The following SMYD3 variants were observed in gnomAD, a reference collection of about 807,000 sequenced individuals.
The protein encoded by SMYD3 is histone-lysine N-methyltransferase SMYD3.
Under a neutral mutation model 57.7 loss-of-function variants are expected in SMYD3, and 36 were observed. The observed-to-expected ratio is 0.62, with a 90% CI of 0.48 to 0.82. The LOEUF is 0.82. Among genes scored for constraint, SMYD3 ranks in the 40% least tolerant of loss-of-function variants. SMYD3 has a pLI of 0.00. For synonymous variants in SMYD3, 211 were observed against 195.0 expected, an observed-to-expected ratio of 1.08 and a Z score of -0.68; for missense variants, 515 against 538.8, an observed-to-expected ratio of 0.96 and a Z score of 0.44.
rs75833888 is a variant in SMYD3, at chr1:246,142,264, T to C, written c.531+184937A>G. Among the ~76,000 whole-genome samples, 1,260 of 152,262 alleles carry C rather than the reference T, an allele frequency of 8.3e-3. 13 individuals carry two copies. The highest frequency in any genetic ancestry group is 0.028 in the African/African-American group (1,179 of 41,554). ...TAGGCACAGAGATTAACAAAAATAA[T>C]TACTAATAAAACAATTATAATAATA... On this transcript the variant is annotated intron_variant, in intron 5 of 11. Coordinates refer to ENST00000490107, the MANE Select transcript of SMYD3 (RefSeq NM_001167740.2).
intron 2 of SMYD3, among the ~76,000 whole-genome samples, chr1:246,337,434 A>G (rs2065561470): frequency 6.6e-6 from 1 of 152,178 alleles, no homozygotes; most frequent in Non-Finnish European, 1.5e-5. Flanking sequence ...GAGTGGGTTA[A>G]GCTAACAAAT....
At chr1:246,143,644 G>A (rs1282042860) in intron 5 of SMYD3, among the ~76,000 whole-genome samples, 1 of 152,134 alleles carries the variant, frequency 6.6e-6, no homozygotes, top group Non-Finnish European at 1.5e-5. Context: ...TTTCAGCCTG[G>A]GCAACAGAGC....
At chr1:246,061,393 G>A (rs546337802) in intron 5 of SMYD3, among the ~76,000 whole-genome samples, 1 of 151,978 alleles carries the variant, frequency 6.6e-6, no homozygotes, top group East Asian at 1.9e-4. Flanking sequence ...GCGTGGTAGG[G>A]AAATCCACAT....
intron 1 of SMYD3, among the ~76,000 whole-genome samples, chr1:246,461,733 CAAA>C (rs34973427): frequency 1.5e-4 from 19 of 122,814 alleles, no homozygotes; most frequent in African/African-American, 5.5e-4. Context: ...GACTCTGTCT[CAAA>C]AAAAAAAAAA....
intron 5 of SMYD3, among the ~76,000 whole-genome samples, chr1:246,302,253 G>T (rs561662838): frequency 6.6e-6 from 1 of 152,208 alleles, no homozygotes; most frequent in South Asian, 2.1e-4. Flanking sequence ...TCAGAGAATC[G>T]AAGCAACTCA....
intron 10 of SMYD3, among the ~76,000 whole-genome samples, chr1:245,811,294 T>A (rs1433041057): frequency 6.6e-6 from 1 of 152,206 alleles, no homozygotes; most frequent in Non-Finnish European, 1.5e-5. Context: ...TTTAGCAAGA[T>A]ACTGAATGCC....
intron 1 of SMYD3, among the ~76,000 whole-genome samples, chr1:246,488,681 G>A (rs1446524515): frequency 1.3e-5 from 2 of 152,036 alleles, no homozygotes; most frequent in Admixed American, 1.3e-4. Flanking sequence ...GTGAGACTCC[G>A]TCTCAAAAGA....
At chr1:246,310,552 G>T (rs2065058460) in intron 5 of SMYD3, among the ~76,000 whole-genome samples, 1 of 152,070 alleles carries the variant, frequency 6.6e-6, no homozygotes, top group Non-Finnish European at 1.5e-5. Context: ...CCTAGAAAAG[G>T]CACCATGTTT....
At chr1:246,336,760 T>G (rs1415841944) in intron 2 of SMYD3, among the ~76,000 whole-genome samples, 1 of 152,150 alleles carries the variant, frequency 6.6e-6, no homozygotes, top group Non-Finnish European at 1.5e-5. Flanking sequence ...TATCTAACTA[T>G]CAAACTGCCC....
chr1:246,158,512 CTTTG>C (rs1451029996), intron 5 of SMYD3, among the ~76,000 whole-genome samples: 2 of 152,124 alleles, frequency 1.3e-5, no homozygotes, highest in African/African-American at 4.8e-5. Flanking sequence ...AGGAAATTGG[CTTTG>C]TTTTTTTGAG....
chr1:246,125,359 G>A (rs1261657828), intron 5 of SMYD3, among the ~76,000 whole-genome samples: 2 of 152,034 alleles, frequency 1.3e-5, no homozygotes, highest in East Asian at 3.9e-4. Context: ...TGCCTGTTAT[G>A]CCACATTCAA....
chr1:246,373,500 T>A (rs182946616), intron 1 of SMYD3, among the ~76,000 whole-genome samples: 35 of 152,318 alleles, frequency 2.3e-4, no homozygotes, highest in African/African-American at 8.2e-4. Flanking sequence ...ATGAAATATT[T>A]CTTAGTTTTT....
intron 1 of SMYD3, among the ~76,000 whole-genome samples, chr1:246,476,679 A>C (rs934637088): frequency 3.8e-4 from 58 of 152,338 alleles, no homozygotes; most frequent in African/African-American, 1.3e-3. Context: ...TTCAATTTAC[A>C]ATAAAATTCA....
intron 5 of SMYD3, among the ~76,000 whole-genome samples, chr1:246,313,213 G>A (rs1380454171): frequency 1.3e-5 from 2 of 152,122 alleles, no homozygotes; most frequent in Non-Finnish European, 2.9e-5. Flanking sequence ...GGCAAAGTGG[G>A]TATTGTTCCA....
rs112659796 is a variant in SMYD3 at position 246,441,859 on chromosome 1, G to A, written c.164+65195C>T. 7.5e-3 allele frequency among the ~76,000 whole-genome samples: 1,143 copies of A among 152,306 alleles called. 14 individuals are homozygous for A. The highest frequency in any genetic ancestry group is 0.024 in the African/African-American group (996 of 41,564). ...ACTCCTGGCCTCAAGTGATCCTCCC[G>A]CCTCGGGCCCCCAGGGTGCTGGGAC... On this transcript the variant is annotated intron_variant, in intron 1 of 11. Coordinates refer to ENST00000490107, the MANE Select transcript of SMYD3 (RefSeq NM_001167740.2).
intron 1 of SMYD3, among the ~76,000 whole-genome samples, chr1:246,437,160 C>G (rs2067392472): frequency 6.6e-6 from 1 of 152,170 alleles, no homozygotes. Flanking sequence ...CAGCCTCCCA[C>G]AGTGCTGGGA....
chr1:245,798,400 A>ACACAC (rs1558351404), intron 10 of SMYD3, among the ~76,000 whole-genome samples: 1 of 26,672 alleles, frequency 3.7e-5, no homozygotes, highest in Non-Finnish European at 7.5e-5. Context: ...GCACACACAC[A>ACACAC]CACACATACA....
At chr1:246,344,766 T>C (rs1210992376) in intron 2 of SMYD3, among the ~76,000 whole-genome samples, 1 of 152,218 alleles carries the variant, frequency 6.6e-6, no homozygotes, top group African/African-American at 2.4e-5. Context: ...TTTTAGTCTT[T>C]CTAGTGGGTG....
chr1:246,335,259 T>A, intron 3 of SMYD3, 108 bp downstream of exon 3: 1 of 962,914 alleles, frequency 1.0e-6, no homozygotes, highest in Non-Finnish European at 1.6e-6. Context: ...TGCTTTATTG[T>A]GGTAGTCTGA....
Sources: gnomAD v4.1 joint callset for allele counts (sites outside exome capture counted in the v4.1 genomes callset) on GRCh38, gnomAD v4.1.1 for gene constraint, MANE v1.5 for transcripts, NCBI Gene and HGNC (gene_info 2026-07-23, HGNC 2026-07-21) for gene names.